GRM7: variants seen among roughly 807,000 people sequenced by gnomAD.
GRM7 encodes the protein metabotropic glutamate receptor 7.
In GRM7, 35 loss-of-function variants were observed where a neutral mutation model predicts 84.5. The ratio of observed to expected loss-of-function variants is 0.41; its 90% CI spans 0.32 to 0.55. The LOEUF (loss-of-function observed/expected upper bound fraction) is 0.55, where lower values mean the gene tolerates loss of function less well. Among genes scored for constraint, GRM7 ranks in the 20% least tolerant of loss-of-function variants. The probability of loss-of-function intolerance (pLI) is 0.19; values close to 1 mark genes in which losing one functional copy is unlikely to be tolerated. For synonymous variants in GRM7, 487 were observed against 455.1 expected (o/e 1.07, Z -0.89); for missense variants, 1,003 against 1,194.6 (o/e 0.84, Z 2.36).
At chr3:7,294,997 A>G (rs2125016232) in intron 2 of GRM7, among the ~76,000 whole-genome samples, 1 of 152,334 alleles carries the variant, frequency 6.6e-6, no homozygotes, top group East Asian at 1.9e-4. Context: ...ACAGAACAAA[A>G]GGTTTGAATT....
intron 1 of GRM7, among the ~76,000 whole-genome samples, chr3:6,975,994 G>T (rs2125099886): frequency 6.6e-6 from 1 of 152,212 alleles, no homozygotes; most frequent in South Asian, 2.1e-4. Context: ...TAGTTACCAA[G>T]ATTTTAAGAT....
intron 1 of GRM7, among the ~76,000 whole-genome samples, chr3:6,948,086 G>C (rs1698159464): frequency 6.6e-6 from 1 of 152,006 alleles, no homozygotes; most frequent in Non-Finnish European, 1.5e-5. Flanking sequence ...GTTATTTCTT[G>C]CCTTCTTGTA....
At chr3:6,942,476 G>A (rs1156246342) in intron 1 of GRM7, among the ~76,000 whole-genome samples, 1 of 151,990 alleles carries the variant, frequency 6.6e-6, no homozygotes. Flanking sequence ...AAATGTTATT[G>A]AAAAGAGCTC....
At chr3:6,970,719 C>G (rs1208941231) in intron 1 of GRM7, among the ~76,000 whole-genome samples, 1 of 152,188 alleles carries the variant, frequency 6.6e-6, no homozygotes, top group Admixed American at 6.5e-5. Context: ...GTGGCTCACG[C>G]CTGTAATCCC....
chr3:6,977,389 G>A (rs1017732362), intron 1 of GRM7, among the ~76,000 whole-genome samples: 12 of 152,018 alleles, frequency 7.9e-5, no homozygotes, highest in Admixed American at 2.0e-4. Flanking sequence ...GTCTGTGTGC[G>A]TGTGTGTTGG....
Position 6,861,538 on chromosome 3 carries a change from C to T in GRM7, c.150C>T (p.Thr50=). The T allele has an allele frequency of 1.9e-6, 3 of 1,582,450 alleles. No individual in the cohort carries two copies. Among genetic ancestry groups the T allele is most frequent in the Non-Finnish European group, 2.6e-6 (3 of 1,164,304 alleles). Residue 50 remains threonine (T), a synonymous_variant, in exon 1 of 10, where the codon ACC becomes ACT. Transcript: ENST00000357716. The surrounding 1 kb of genome is among the most constrained non-coding windows in gnomAD (Gnocchi z 6.4). ...CAATCCGGATCGAGGGGGACGTCAC[C>T]CTCGGGGGGCTGTTCCCCGTGCACG... is the stretch of plus-strand genomic sequence containing the variant. ...PHSIRIEGDV[T]LGGLFPVHAK...
chr3:7,302,235 T>G (rs1011239219), intron 3 of GRM7, among the ~76,000 whole-genome samples: 1 of 152,292 alleles, frequency 6.6e-6, no homozygotes, highest in South Asian at 2.1e-4. Context: ...CAGAGATAAC[T>G]GCTAATACAA....
chr3:7,322,846 C>G (rs1339214421), intron 4 of GRM7, among the ~76,000 whole-genome samples: 1 of 151,930 alleles, frequency 6.6e-6, no homozygotes, highest in Non-Finnish European at 1.5e-5. Flanking sequence ...ATTCGTTATC[C>G]TCTTTTGAAA....
chr3:7,715,289 A>T (rs1222460518), intron 9 of GRM7, among the ~76,000 whole-genome samples: 1 of 151,900 alleles, frequency 6.6e-6, no homozygotes, highest in East Asian at 1.9e-4. Flanking sequence ...GCAAGACCCC[A>T]TCTCTACAAA....
chr3:7,333,592 G>A (rs1048378401), intron 4 of GRM7, among the ~76,000 whole-genome samples: 1 of 151,984 alleles, frequency 6.6e-6, no homozygotes, highest in Non-Finnish European at 1.5e-5. Context: ...GATCACACTA[G>A]CTCTCCAGCA....
At chr3:6,944,523 A>T (rs1036657426) in intron 1 of GRM7, among the ~76,000 whole-genome samples, 3 of 152,148 alleles carry the variant, frequency 2.0e-5, no homozygotes, top group Non-Finnish European at 4.4e-5. Context: ...TTTAGGATGA[A>T]CCTACTTGGT....
intron 1 of GRM7, among the ~76,000 whole-genome samples, chr3:6,987,998 T>G (rs113804638): frequency 7.0e-5 from 10 of 142,556 alleles, no homozygotes; most frequent in African/African-American, 2.5e-4. Flanking sequence ...CCTCTAGCTT[T>G]TTTTTTTTTT....
chr3:7,724,761 G>C (rs916592376), intron 9 of GRM7, among the ~76,000 whole-genome samples: 3 of 151,984 alleles, frequency 2.0e-5, no homozygotes, highest in Non-Finnish European at 4.4e-5. Flanking sequence ...CATTATTTTT[G>C]TCTTTTTGTT....
intron 2 of GRM7, among the ~76,000 whole-genome samples, chr3:7,252,854 A>G (rs1299261987): frequency 1.3e-5 from 2 of 150,950 alleles, no homozygotes; most frequent in African/African-American, 4.9e-5. Context: ...ACACCCAGCT[A>G]ATTTTTTTTG....
At chr3:7,398,162 T>G (rs1236642314) in intron 4 of GRM7, among the ~76,000 whole-genome samples, 1 of 152,206 alleles carries the variant, frequency 6.6e-6, no homozygotes, top group Admixed American at 6.5e-5. Context: ...AAGTAAATTT[T>G]AAAATGTCTT....
intron 2 of GRM7, among the ~76,000 whole-genome samples, chr3:7,251,353 G>A (rs1017098107): frequency 9.9e-5 from 15 of 151,592 alleles, no homozygotes; most frequent in Admixed American, 7.2e-4. Flanking sequence ...GTTATTCTCC[G>A]AAGTGACTAA....
chr3:7,414,949 T>C, intron 4 of GRM7, 74 bp from the exon 5 acceptor site: 1 of 1,250,038 alleles, frequency 8.0e-7, no homozygotes, highest in Non-Finnish European at 1.1e-6. Flanking sequence ...AAAAAAAAAG[T>C]CACTTTTATT....
chr3:7,543,496 C>T (rs992410701), intron 7 of GRM7, among the ~76,000 whole-genome samples: 1 of 152,236 alleles, frequency 6.6e-6, no homozygotes, highest in African/African-American at 2.4e-5. Flanking sequence ...CCTGAGGCCA[C>T]GTTTTCACTT....
chr3:7,146,153 G>T (rs1473386663), intron 1 of GRM7, among the ~76,000 whole-genome samples: 2 of 152,136 alleles, frequency 1.3e-5, no homozygotes, highest in Non-Finnish European at 2.9e-5. Flanking sequence ...TGGTAGAATG[G>T]TCATAAATCT....
Sources: gnomAD v4.1 joint callset for allele counts (sites outside exome capture counted in the v4.1 genomes callset) on GRCh38, gnomAD v4.1.1 for gene constraint, Gnocchi (gnomAD v3.1) non-coding constraint, MANE v1.5 for transcripts, NCBI Gene and HGNC (gene_info 2026-07-23, HGNC 2026-07-21) for gene names.